RBFOX1: variants seen among roughly 807,000 people sequenced by gnomAD.
RBFOX1 encodes the protein RNA binding protein fox-1 homolog 1.
RBFOX1 carries 8 observed loss-of-function variants against 57.7 expected under a neutral mutation model. The observed-to-expected ratio is 0.14, with a 90% CI of 0.08 to 0.25. RBFOX1 has a LOEUF of 0.25. RBFOX1 is among the 10% of genes least tolerant of loss of function. RBFOX1 has a pLI of 1.00. For missense variants in RBFOX1, 611 were observed against 548.5 expected, an observed-to-expected ratio of 1.11 and a Z score of -1.14; for synonymous variants, 326 against 222.4, an observed-to-expected ratio of 1.47 and a Z score of -4.15.
At chr16:7,021,244 C>G (rs976451999) in intron 3 of RBFOX1, among the ~76,000 whole-genome samples, 3 of 151,444 alleles carry the variant, frequency 2.0e-5, no homozygotes, top group African/African-American at 7.3e-5. Flanking sequence ...TTGCGTCGGC[C>G]CCCACCTCAT....
intron 3 of RBFOX1, among the ~76,000 whole-genome samples, chr16:6,730,531 C>T (rs1479824882): frequency 6.6e-6 from 1 of 152,168 alleles, no homozygotes; most frequent in Non-Finnish European, 1.5e-5. Flanking sequence ...CCTAATCTGT[C>T]TATCAATCTA....
At chr16:6,089,320 A>G (rs2096136943) in intron 1 of RBFOX1, among the ~76,000 whole-genome samples, 1 of 152,138 alleles carries the variant, frequency 6.6e-6, no homozygotes, top group Non-Finnish European at 1.5e-5. Flanking sequence ...ATAGATGAAC[A>G]TGCATTAGGA....
chr16:7,550,350 C>A (rs960057685), intron 5 of RBFOX1, among the ~76,000 whole-genome samples: 10 of 151,634 alleles, frequency 6.6e-5, no homozygotes, highest in Non-Finnish European at 1.2e-4. Flanking sequence ...TGGCAATATG[C>A]ATATCTGCTC....
At position 6,848,674 on chromosome 16, in the gene RBFOX1, G is replaced by A. The variant is rs2141862499; in HGVS notation, c.-16+194024G>A. On this transcript the variant is annotated intron_variant, in intron 3 of 15. Transcript: ENST00000550418. ...GGAGGGAGGGAAAAAAGCAACCTAG[G>A]TAGATAGCTGGGCAGATGGATGGAA... Among the ~76,000 whole-genome samples, 3 of 152,218 alleles carry A rather than the reference G, an allele frequency of 2.0e-5. No individual in the cohort carries two copies. The East Asian group carries it at 5.8e-4, about 29-fold the overall frequency.
chr16:6,033,314 G>A (rs1016348476), intron 1 of RBFOX1, among the ~76,000 whole-genome samples: 3 of 152,052 alleles, frequency 2.0e-5, no homozygotes, highest in African/African-American at 4.8e-5. Context: ...TTGATGCTTT[G>A]CTTTATTTAT....
At chr16:6,824,132 C>G (rs1378494190) in intron 3 of RBFOX1, among the ~76,000 whole-genome samples, 1 of 152,214 alleles carries the variant, frequency 6.6e-6, no homozygotes, top group African/African-American at 2.4e-5. Flanking sequence ...TGGCTAGGCG[C>G]TGTTGCTGGC....
intron 4 of RBFOX1, among the ~76,000 whole-genome samples, chr16:7,351,477 A>G (rs1265600796): frequency 6.6e-6 from 1 of 152,238 alleles, no homozygotes; most frequent in Admixed American, 6.5e-5. Context: ...GAGACAAAAC[A>G]AAGAATAACT....
At chr16:7,550,846 C>G (rs562658566) in intron 5 of RBFOX1, among the ~76,000 whole-genome samples, 54 of 152,092 alleles carry the variant, frequency 3.6e-4, no homozygotes, top group Non-Finnish European at 2.8e-4. Context: ...ATAATCCGAA[C>G]GCTTTGAGAG....
chr16:7,357,663 A>C (rs1350983407), intron 4 of RBFOX1, among the ~76,000 whole-genome samples: 1 of 151,684 alleles, frequency 6.6e-6, no homozygotes, highest in East Asian at 1.9e-4. Context: ...CTTGCGCAGG[A>C]CTTTTATTCA....
rs1284865500 is a variant in RBFOX1, at chr16:6,741,276, T to C, written c.-16+86626T>C. On this transcript the variant is annotated intron_variant, in intron 3 of 15. Transcript: ENST00000550418. ...TTGAAAACATAAAACTATAAAACTT[T>C]CAGGCAATCCTATAGGAAAAATATC... Among the ~76,000 whole-genome samples, 3 of 152,108 alleles carry C rather than the reference T, an allele frequency of 2.0e-5. No individual in the cohort carries two copies. The South Asian group carries it at 6.2e-4, about 32-fold the overall frequency.
At chr16:5,964,085 T>G (rs1004462046) in intron 4 of RBFOX1, among the ~76,000 whole-genome samples, 1 of 152,116 alleles carries the variant, frequency 6.6e-6, no homozygotes, top group African/African-American at 2.4e-5. Context: ...TTTTTAAAAA[T>G]AGACATAAGA....
chr16:7,420,551 C>T (rs2098530611), intron 4 of RBFOX1, among the ~76,000 whole-genome samples: 1 of 152,220 alleles, frequency 6.6e-6, no homozygotes, highest in East Asian at 1.9e-4. Flanking sequence ...CAAGAGCTTT[C>T]CTCAAGAATA....
intron 3 of RBFOX1, among the ~76,000 whole-genome samples, chr16:7,021,875 T>TTCTC (rs1247594461): frequency 6.6e-6 from 1 of 150,796 alleles, no homozygotes; most frequent in Non-Finnish European, 1.5e-5. Flanking sequence ...AGAACCTTCT[T>TTCTC]TCTCTCTCTT....
chr16:5,371,085 C>G (rs1567403876), intron 1 of RBFOX1, among the ~76,000 whole-genome samples: 1 of 152,150 alleles, frequency 6.6e-6, no homozygotes, highest in South Asian at 2.1e-4. Flanking sequence ...GTAGCTGGGA[C>G]TACAGGTGTG....
chr16:5,527,600 A>G (rs2044296011), intron 2 of RBFOX1, among the ~76,000 whole-genome samples: 1 of 152,196 alleles, frequency 6.6e-6, no homozygotes, highest in Admixed American at 6.5e-5. Context: ...TCTAATTAAC[A>G]TGTACATTAT....
rs74012713 is a variant in RBFOX1, at chr16:7,185,514, A to T, written c.27+133416A>T. ...ATATTGCATCCTAATAATTCTTATG[A>T]TAACATGGATCACCTTTGTGGACAC... On this transcript the variant is annotated intron_variant, in intron 4 of 15. Coordinates refer to ENST00000550418, the MANE Select transcript of RBFOX1 (RefSeq NM_018723.4). 5.6e-3 allele frequency among the ~76,000 whole-genome samples: 846 copies of T among 152,306 alleles called. 9 individuals are homozygous for T. Among genetic ancestry groups the T allele is most frequent in the African/African-American group, 0.019 (810 of 41,562 alleles).
intron 4 of RBFOX1, among the ~76,000 whole-genome samples, chr16:7,319,273 G>A (rs1480022628): frequency 2.0e-5 from 3 of 152,130 alleles, no homozygotes; most frequent in Non-Finnish European, 4.4e-5. Flanking sequence ...CAATATTGTT[G>A]GGGGAGATGT....
intron 5 of RBFOX1, chr16:7,519,748 C>G (rs954412295): frequency 3.6e-5 from 35 of 978,084 alleles, no homozygotes; most frequent in Non-Finnish European, 4.1e-5. Flanking sequence ...GTCCCAAGAC[C>G]TCAGGAAAGC....
chr16:7,183,365 T>G (rs2083108230), intron 4 of RBFOX1, among the ~76,000 whole-genome samples: 1 of 152,136 alleles, frequency 6.6e-6, no homozygotes, highest in Non-Finnish European at 1.5e-5. Flanking sequence ...CAGAGGTAAT[T>G]TTTTTCTACC....
Sources: gnomAD v4.1 joint callset for allele counts (sites outside exome capture counted in the v4.1 genomes callset) on GRCh38, gnomAD v4.1.1 for gene constraint, MANE v1.5 for transcripts, NCBI Gene and HGNC (gene_info 2026-07-23, HGNC 2026-07-21) for gene names.